The following LSAMP variants were observed in gnomAD, a reference collection of about 807,000 sequenced individuals.
The protein encoded by LSAMP is limbic system associated membrane protein.
In LSAMP, 7 loss-of-function variants were observed where a neutral mutation model predicts 38.6. That is an observed-to-expected ratio of 0.18 (90% CI 0.10 to 0.34). LSAMP has a LOEUF of 0.34. Ranked by LOEUF, LSAMP falls within the 10% of genes least tolerant of loss-of-function variation. The probability of loss-of-function intolerance (pLI) is 1.00; values close to 1 mark genes in which losing one functional copy is unlikely to be tolerated. For missense variants in LSAMP, 313 were observed against 420.0 expected (o/e 0.75, Z 2.23); for synonymous variants, 154 against 166.8 (o/e 0.92, Z 0.59).
chr3:115,953,896 G>C (rs966518095), intron 3 of LSAMP, among the ~76,000 whole-genome samples: 11 of 152,076 alleles, frequency 7.2e-5, no homozygotes, highest in African/African-American at 2.7e-4. Flanking sequence ...TTCTTTCCCT[G>C]GTTGGTTGGT....
At chr3:116,396,189 AC>A (rs1437704212) in intron 1 of LSAMP, among the ~76,000 whole-genome samples, 4 of 152,198 alleles carry the variant, frequency 2.6e-5, no homozygotes, top group African/African-American at 9.7e-5. Context: ...TTATTCACTA[AC>A]AAAAAATCTC....
chr3:116,143,323 A>T (rs1044029773), intron 1 of LSAMP, among the ~76,000 whole-genome samples: 3 of 151,914 alleles, frequency 2.0e-5, no homozygotes, highest in Non-Finnish European at 2.9e-5. Flanking sequence ...AGAGTTGTTT[A>T]TTTGACACTC....
At chr3:116,174,158 G>A (rs1710277747) in intron 1 of LSAMP, among the ~76,000 whole-genome samples, 2 of 152,110 alleles carry the variant, frequency 1.3e-5, no homozygotes, top group East Asian at 1.9e-4. Flanking sequence ...TATAGCTGCA[G>A]TATGAGCTGC....
At chr3:116,191,083 C>T (rs1179408711) in intron 1 of LSAMP, among the ~76,000 whole-genome samples, 10 of 152,042 alleles carry the variant, frequency 6.6e-5, no homozygotes, top group Admixed American at 5.9e-4. Context: ...ATTAGCCCGG[C>T]GTGGTGACTC....
chr3:116,183,955 G>GA (rs1365190751), intron 1 of LSAMP, among the ~76,000 whole-genome samples: 2 of 151,734 alleles, frequency 1.3e-5, no homozygotes, highest in Admixed American at 1.3e-4. Flanking sequence ...AATATCATGT[G>GA]AATGGATACA....
chr3:116,081,248 G>T lies in LSAMP; in HGVS notation c.388+5076C>A, dbSNP rs181836035. Among the ~76,000 whole-genome samples the T allele has an allele frequency of 4.1e-3, 628 of 152,260 alleles. 6 individuals carry two copies. The highest frequency in any genetic ancestry group is 0.014 in the African/African-American group (602 of 41,534). ...GGAGGCTGAGGCGGGTGGATCACAAGGTCAAGAGATGGAGACCATCCTGGC... is the reference window on the plus strand; with the variant it reads ...GGAGGCTGAGGCGGGTGGATCACAATGTCAAGAGATGGAGACCATCCTGGC... On this transcript the variant is annotated intron_variant, in intron 2 of 6. Coordinates refer to ENST00000490035, the MANE Select transcript of LSAMP (RefSeq NM_002338.5).
chr3:115,880,847 C>T (rs1188869552), intron 3 of LSAMP, among the ~76,000 whole-genome samples: 1 of 151,688 alleles, frequency 6.6e-6, no homozygotes, highest in Non-Finnish European at 1.5e-5. Flanking sequence ...GCCCGGCCTA[C>T]CAACATGGTA....
At chr3:116,073,338 T>C (rs1041193308) in intron 2 of LSAMP, among the ~76,000 whole-genome samples, 1 of 152,158 alleles carries the variant, frequency 6.6e-6, no homozygotes, top group Non-Finnish European at 1.5e-5. Context: ...GTTGGATAGG[T>C]TGGATGGTGT....
chr3:116,091,819 A>G (rs558924189), intron 1 of LSAMP, among the ~76,000 whole-genome samples: 34 of 152,342 alleles, frequency 2.2e-4, no homozygotes, highest in African/African-American at 7.9e-4. Flanking sequence ...AATGGGTGTT[A>G]GTGCCACGAG....
At chr3:116,370,899 C>A (rs957182114) in intron 1 of LSAMP, among the ~76,000 whole-genome samples, 1 of 152,076 alleles carries the variant, frequency 6.6e-6, no homozygotes, top group African/African-American at 2.4e-5. Flanking sequence ...GTGAGGACAT[C>A]GCTACTGATT....
intron 3 of LSAMP, among the ~76,000 whole-genome samples, chr3:115,933,594 A>C (rs1156907598): frequency 6.6e-6 from 1 of 152,198 alleles, no homozygotes; most frequent in African/African-American, 2.4e-5. Context: ...AGAAATACTT[A>C]TATCTAGAGC....
chr3:115,945,399 G>T (rs1432991470), intron 3 of LSAMP, among the ~76,000 whole-genome samples: 1 of 152,112 alleles, frequency 6.6e-6, no homozygotes, highest in Non-Finnish European at 1.5e-5. Context: ...TTATAGGTCT[G>T]TCTCCGATGT....
At chr3:116,325,972 C>T (rs1294787633) in intron 1 of LSAMP, among the ~76,000 whole-genome samples, 1 of 152,170 alleles carries the variant, frequency 6.6e-6, no homozygotes, top group Non-Finnish European at 1.5e-5. Context: ...CCCCATGGTT[C>T]TCTTTTGCCC....
chr3:116,409,999 C>T (rs2107837451), intron 1 of LSAMP, among the ~76,000 whole-genome samples: 1 of 152,212 alleles, frequency 6.6e-6, no homozygotes, highest in South Asian at 2.1e-4. Flanking sequence ...GGGAAGAGGA[C>T]TCACAGGATT....
intron 1 of LSAMP, among the ~76,000 whole-genome samples, chr3:116,241,820 T>C (rs1321781309): frequency 2.0e-5 from 3 of 152,230 alleles, no homozygotes; most frequent in Admixed American, 6.5e-5. Flanking sequence ...AGCTTCCAAA[T>C]ATGTTTCCTC....
At chr3:116,426,832 T>G (rs985622100) in intron 1 of LSAMP, among the ~76,000 whole-genome samples, 1 of 151,878 alleles carries the variant, frequency 6.6e-6, no homozygotes, top group Non-Finnish European at 1.5e-5. Context: ...TAAAGAATTA[T>G]AAGCCGAAGT....
chr3:116,375,032 A>C (rs1478489504), intron 1 of LSAMP, among the ~76,000 whole-genome samples: 2 of 151,942 alleles, frequency 1.3e-5, no homozygotes, highest in African/African-American at 4.8e-5. Flanking sequence ...CCCTTTAATA[A>C]ATAAGTCATC....
At chr3:116,398,680 A>T (rs1399020882) in intron 1 of LSAMP, among the ~76,000 whole-genome samples, 3 of 152,192 alleles carry the variant, frequency 2.0e-5, no homozygotes, top group Non-Finnish European at 2.9e-5. Flanking sequence ...AGAAGCATAA[A>T]AGAGTCTGTA....
chr3:116,372,112 C>T (rs925908764), intron 1 of LSAMP, among the ~76,000 whole-genome samples: 1 of 151,992 alleles, frequency 6.6e-6, no homozygotes, highest in African/African-American at 2.4e-5. Context: ...AAGTGAACTA[C>T]TAGCTCGATA....
Sources: allele counts gnomAD v4.1 joint callset (sites outside exome capture counted in the v4.1 genomes callset), GRCh38; gene constraint gnomAD v4.1.1; transcripts MANE v1.5; gene names NCBI Gene and HGNC (gene_info 2026-07-23, HGNC 2026-07-21).